The following WWOX variants were observed in gnomAD, a reference collection of about 807,000 sequenced individuals.
WWOX encodes WW domain-containing oxidoreductase.
A neutral mutation model predicts 46.2 loss-of-function variants in WWOX; 69 were observed. The ratio of observed to expected loss-of-function variants is 1.49; its 90% CI spans 1.23 to 1.82. WWOX has a LOEUF of 1.82. Ranked by LOEUF, WWOX falls within the 40% of genes most tolerant of loss-of-function variation. WWOX has a pLI of 0.00. For missense variants in WWOX, 919 were observed against 542.6 expected (o/e 1.69, Z -6.89); for synonymous variants, 359 against 202.6 (o/e 1.77, Z -6.56).
At chr16:78,533,402 T>C (rs1339489651) in intron 8 of WWOX, among the ~76,000 whole-genome samples, 1 of 110,538 alleles carries the variant, frequency 9.0e-6, no homozygotes, top group Admixed American at 1.2e-4. Context: ...TATACAATTG[T>C]TGATGAGCTA....
At chr16:78,427,468 A>G (rs996898010) in intron 7 of WWOX, among the ~76,000 whole-genome samples, 8 of 152,148 alleles carry the variant, frequency 5.3e-5, no homozygotes, top group African/African-American at 1.9e-4. Context: ...ACAACCCTCA[A>G]TGGCTGCAGC....
At chr16:78,331,900 A>C (rs1173358809) in intron 5 of WWOX, among the ~76,000 whole-genome samples, 1 of 152,210 alleles carries the variant, frequency 6.6e-6, no homozygotes, top group Admixed American at 6.5e-5. Flanking sequence ...ACTAAGATTT[A>C]GAGAGGTTAT....
At chr16:78,233,390 T>C (rs2037332060) in intron 5 of WWOX, among the ~76,000 whole-genome samples, 1 of 152,192 alleles carries the variant, frequency 6.6e-6, no homozygotes, top group Admixed American at 6.5e-5. Context: ...TATTGTTGAC[T>C]ATAGGTAAAA....
intron 8 of WWOX, among the ~76,000 whole-genome samples, chr16:78,998,501 T>A (rs531413092): frequency 6.6e-6 from 1 of 152,296 alleles, no homozygotes; most frequent in East Asian, 1.9e-4. Flanking sequence ...ACAGAGGGGA[T>A]TGGCCACACC....
intron 6 of WWOX, among the ~76,000 whole-genome samples, chr16:78,388,323 G>A (rs993555178): frequency 1.3e-5 from 2 of 152,110 alleles, no homozygotes; most frequent in Admixed American, 6.6e-5. Context: ...GAACCACTGC[G>A]CCCAGCCGCT....
At chr16:79,009,990 T>A (rs1380604215) in intron 8 of WWOX, among the ~76,000 whole-genome samples, 1 of 152,144 alleles carries the variant, frequency 6.6e-6, no homozygotes, top group East Asian at 1.9e-4. Context: ...CTCAGTATCC[T>A]AGGACTTCAG....
intron 8 of WWOX, among the ~76,000 whole-genome samples, chr16:79,099,717 A>C (rs186497095): frequency 6.6e-6 from 1 of 152,152 alleles, no homozygotes; most frequent in Non-Finnish European, 1.5e-5. Context: ...AATAACATGA[A>C]CTTTTTGCAG....
chr16:79,054,551 G>C (rs2048227535), intron 8 of WWOX, among the ~76,000 whole-genome samples: 1 of 152,212 alleles, frequency 6.6e-6, no homozygotes, highest in African/African-American at 2.4e-5. Context: ...GTCTGGTACA[G>C]TGGCTCACAC....
At position 78,346,714 on chromosome 16, in the gene WWOX, A is replaced by C; in HGVS notation, c.517-40146A>C. 1.7e-5 allele frequency among the ~76,000 whole-genome samples: 2 copies of C among 118,544 alleles called. 1 individual carries two copies. Among genetic ancestry groups the C allele is most frequent in the Non-Finnish European group, 4.0e-5 (2 of 49,850 alleles). 77.8% of individuals were successfully genotyped at this position (118,544 alleles called of 152,430 possible). ...TCATATCTATGTTATTTTATTATTT[A>C]CTTTTTTTGAGATGGAGTCTCGCTC... On this transcript the variant is annotated intron_variant, in intron 5 of 8. Transcript: ENST00000566780.
chr16:78,633,574 C>T (rs767861459), intron 8 of WWOX, among the ~76,000 whole-genome samples: 11 of 152,194 alleles, frequency 7.2e-5, no homozygotes, highest in Non-Finnish European at 1.2e-4. Context: ...CTGATGAGTA[C>T]GCTGGCAGGC....
intron 8 of WWOX, among the ~76,000 whole-genome samples, chr16:78,522,271 A>G (rs1468837992): frequency 6.6e-6 from 1 of 152,174 alleles, no homozygotes; most frequent in African/African-American, 2.4e-5. Context: ...TTAGGATTAA[A>G]AAAAAAAACT....
At position 78,340,233 on chromosome 16, in the gene WWOX, G is replaced by C. The variant is rs375694560; in HGVS notation, c.517-46627G>C. Among the ~76,000 whole-genome samples, 35 of 106,772 alleles carry C rather than the reference G, an allele frequency of 3.3e-4. 6 individuals are homozygous for C. The Middle Eastern group carries it at 0.013, about 41-fold the overall frequency. The allele number at this position is 106,772 out of a possible 152,430, so 70.0% of individuals were successfully genotyped here. On this transcript the variant is annotated intron_variant, in intron 5 of 8. Transcript: ENST00000566780. ...TTTTTTTGAGATGGAGTCTTACTGT[G>C]TCACCTAGGCTGGAGTGCAGTGGTG...
At chr16:78,532,375 AG>A (rs1222496624) in intron 8 of WWOX, among the ~76,000 whole-genome samples, 2 of 152,138 alleles carry the variant, frequency 1.3e-5, no homozygotes, top group African/African-American at 4.8e-5. Flanking sequence ...ACCCACTCAG[AG>A]CCTTGAAATC....
chr16:78,324,776 C>A (rs1369098599), intron 5 of WWOX, among the ~76,000 whole-genome samples: 1 of 34,572 alleles, frequency 2.9e-5, no homozygotes, highest in East Asian at 6.2e-4. Flanking sequence ...TGACTCAGGG[C>A]TGGGGGAGTT....
At chr16:78,540,016 TCTCTCA>T (rs775780738) in intron 8 of WWOX, among the ~76,000 whole-genome samples, 9 of 120,722 alleles carry the variant, frequency 7.5e-5, no homozygotes, top group African/African-American at 1.7e-4. Flanking sequence ...TCTCTCTCTC[TCTCTCA>T]CACACACACA....
chr16:78,970,330 CTT>C (rs2046445721), intron 8 of WWOX, among the ~76,000 whole-genome samples: 3 of 152,218 alleles, frequency 2.0e-5, no homozygotes. Flanking sequence ...TCCATTTGGA[CTT>C]TCTCTAGTTC....
chr16:78,871,198 A>C (rs1415841848), intron 8 of WWOX, among the ~76,000 whole-genome samples: 3 of 151,434 alleles, frequency 2.0e-5, no homozygotes, highest in African/African-American at 7.3e-5. Context: ...TTAATGAGGC[A>C]ATCAGGGGTA....
intron 8 of WWOX, among the ~76,000 whole-genome samples, chr16:79,043,738 G>C (rs1001585100): frequency 2.6e-5 from 4 of 152,140 alleles, no homozygotes; most frequent in Admixed American, 6.6e-5. Flanking sequence ...TTAATCTCTG[G>C]ATCCAGGCTG....
Position 78,114,959 on chromosome 16 carries a change from C to T in WWOX, c.231-17C>T, listed in dbSNP as rs372361154. On this transcript the variant is annotated splice_polypyrimidine_tract_variant and intron_variant, in intron 3 of 8. Transcript: ENST00000566780. ...TGTGTTCATTGCTGTGGGTTCACTGCTTTCTCTTTTGGGCAGCCATATAAA... is the reference window on the plus strand; with the variant it reads ...TGTGTTCATTGCTGTGGGTTCACTGTTTTCTCTTTTGGGCAGCCATATAAA... 5.0e-6 allele frequency: 8 copies of T among 1,614,012 alleles called. No homozygotes were observed. The highest frequency in any genetic ancestry group is 6.8e-6 in the Non-Finnish European group (8 of 1,180,016).
Sources: allele counts gnomAD v4.1 joint callset (sites outside exome capture counted in the v4.1 genomes callset), GRCh38; gene constraint gnomAD v4.1.1; transcripts MANE v1.5; gene names NCBI Gene and HGNC (gene_info 2026-07-23, HGNC 2026-07-21).